Variants in CBLB observed in about 807,000 individuals in gnomAD.
The protein encoded by CBLB is Cbl proto-oncogene B.
A neutral mutation model predicts 104.9 loss-of-function variants in CBLB; 31 were observed. The ratio of observed to expected loss-of-function variants is 0.30; its 90% confidence interval spans 0.22 to 0.40. CBLB has a LOEUF of 0.40. Ranked by LOEUF, CBLB falls within the 10% of genes least tolerant of loss-of-function variation. The pLI is 1.00. For synonymous variants in CBLB, 440 were observed against 422.6 expected (o/e 1.04, Z -0.51); for missense variants, 1,062 against 1,214.6 (o/e 0.87, Z 1.87).
At chr3:105,722,074 C>T (rs568740591) in intron 9 of CBLB, among the ~76,000 whole-genome samples, 2 of 151,694 alleles carry the variant, frequency 1.3e-5, no homozygotes, top group South Asian at 4.2e-4. Context: ...GTGATACACA[C>T]CTGAAGTCCC....
At chr3:105,687,610 A>G (rs1253735387) in intron 13 of CBLB, among the ~76,000 whole-genome samples, 2 of 152,072 alleles carry the variant, frequency 1.3e-5, no homozygotes, top group African/African-American at 4.8e-5. Context: ...TAAATATGAA[A>G]AAAATACTTA....
At chr3:105,767,833 A>G (rs2078395742) in intron 4 of CBLB, among the ~76,000 whole-genome samples, 1 of 152,194 alleles carries the variant, frequency 6.6e-6, no homozygotes. Context: ...AGATGCATAG[A>G]AAAACCAACT....
In CBLB at chr3:105,763,810, T is replaced by C. The variant is rs2077929270; in HGVS notation, c.567-12192A>G. 2.0e-5 allele frequency among the ~76,000 whole-genome samples: 3 copies of C among 152,234 alleles called. No individual in the cohort carries two copies. In the South Asian group the frequency reaches 6.2e-4, roughly 32 times the overall value. On this transcript the variant is annotated intron_variant, in intron 4 of 18. Transcript: ENST00000394030. ...TGGCCTATCACAGTTTCATGTATAG[T>C]GGCAGAAGATACTGGGTTTCTGTCA...
chr3:105,820,822 A>G (rs1428570397), intron 3 of CBLB, among the ~76,000 whole-genome samples: 1 of 152,072 alleles, frequency 6.6e-6, no homozygotes, highest in Non-Finnish European at 1.5e-5. Flanking sequence ...CTGAATATTC[A>G]TTTTGCTTAA....
intron 3 of CBLB, among the ~76,000 whole-genome samples, chr3:105,817,179 G>C (rs1047732944): frequency 6.6e-6 from 1 of 152,158 alleles, no homozygotes; most frequent in Non-Finnish European, 1.5e-5. Context: ...TGCAAGAAAA[G>C]CAAATGCCCA....
chr3:105,782,643 T>A (rs908075808), intron 3 of CBLB, among the ~76,000 whole-genome samples: 7 of 151,226 alleles, frequency 4.6e-5, no homozygotes, highest in African/African-American at 1.7e-4. Flanking sequence ...TGGAATGCAG[T>A]GGCCCTATTC....
chr3:105,868,033 C>G, intron 1 of CBLB: 1 of 488,404 alleles, frequency 2.0e-6, no homozygotes, highest in Non-Finnish European at 3.5e-6. Context: ...AGAAACTTCA[C>G]TTTCACTCTG....
intron 9 of CBLB, among the ~76,000 whole-genome samples, chr3:105,732,870 C>T (rs149407938): frequency 9.9e-5 from 15 of 152,142 alleles, no homozygotes; most frequent in East Asian, 7.7e-4. Flanking sequence ...TATGCTTCAC[C>T]GAAAATCTTT....
At chr3:105,739,185 C>T (rs2075277336) in intron 7 of CBLB, among the ~76,000 whole-genome samples, 2 of 152,230 alleles carry the variant, frequency 1.3e-5, no homozygotes, top group South Asian at 4.1e-4. Context: ...GCTGGGATTA[C>T]AGGCGTAAGC....
At position 105,868,941 on chromosome 3, in the gene CBLB, C is replaced by G; in HGVS notation, c.-220G>C. The G allele has an allele frequency of 7.8e-6, 8 of 1,027,234 alleles. No individual in the cohort carries two copies. The highest frequency in any genetic ancestry group is 8.2e-6 in the Non-Finnish European group (7 of 856,964). 63.6% of individuals were successfully genotyped at this position (1,027,234 alleles called of 1,614,324 possible). On this transcript the variant is annotated 5_prime_UTR_variant, in exon 1 of 19. Coordinates refer to ENST00000394030, the MANE Select transcript of CBLB (RefSeq NM_170662.5). Reference sequence around the variant, plus strand: ...AAGACAAATCCACACCCGCTCTCCCCTCCCGCCCGACTCGGGGAGGCCGCG... The same window carrying G: ...AAGACAAATCCACACCCGCTCTCCCGTCCCGCCCGACTCGGGGAGGCCGCG...
At position 105,730,264 on chromosome 3, in the gene CBLB, T is replaced by C. The variant is rs369571962; in HGVS notation, c.1203+3745A>G. Among the ~76,000 whole-genome samples, 14 of 152,030 alleles carry C rather than the reference T, an allele frequency of 9.2e-5. No homozygotes were observed. In the South Asian group the frequency reaches 2.9e-3, roughly 32 times the overall value. On this transcript the variant is annotated intron_variant, in intron 9 of 18. Coordinates refer to ENST00000394030, the MANE Select transcript of CBLB (RefSeq NM_170662.5). ...GGTGGAAAAAAATCACAATGTAAAA[T>C]GTTAAGGAAATCACACAATAGCTAG...
At chr3:105,837,013 C>T (rs745603894) in intron 3 of CBLB, among the ~76,000 whole-genome samples, 3 of 151,666 alleles carry the variant, frequency 2.0e-5, no homozygotes, top group African/African-American at 4.8e-5. Context: ...AGATCCAACC[C>T]TCCGACCTTT....
intron 3 of CBLB, among the ~76,000 whole-genome samples, chr3:105,833,117 T>C (rs558972003): frequency 6.6e-6 from 1 of 152,216 alleles, no homozygotes; most frequent in South Asian, 2.1e-4. Flanking sequence ...GAAATGAATC[T>C]AGAAAGGTAG....
chr3:105,835,026 T>C (rs898660695), intron 3 of CBLB, among the ~76,000 whole-genome samples: 1 of 152,222 alleles, frequency 6.6e-6, no homozygotes, highest in African/African-American at 2.4e-5. Flanking sequence ...GCCTTTCACA[T>C]ATCACTTATT....
chr3:105,682,361 A>T (rs1296777170), intron 14 of CBLB, among the ~76,000 whole-genome samples: 1 of 152,216 alleles, frequency 6.6e-6, no homozygotes, highest in Non-Finnish European at 1.5e-5. Flanking sequence ...AGCCTGTGGT[A>T]CTATTTCACC....
At chr3:105,853,976 T>C (rs965796274) in intron 2 of CBLB, among the ~76,000 whole-genome samples, 2 of 150,194 alleles carry the variant, frequency 1.3e-5, no homozygotes, top group African/African-American at 5.0e-5. Flanking sequence ...ACTGATAGTC[T>C]TTTTTTTTAA....
chr3:105,722,089 G>A (rs1442199784), intron 9 of CBLB, among the ~76,000 whole-genome samples: 2 of 151,290 alleles, frequency 1.3e-5, no homozygotes, highest in East Asian at 1.9e-4. Flanking sequence ...AGTCCCAGCT[G>A]GTCGTGAGGC....
At chr3:105,713,975 T>C (rs2071480529) in intron 10 of CBLB, among the ~76,000 whole-genome samples, 2 of 152,342 alleles carry the variant, frequency 1.3e-5, no homozygotes, top group South Asian at 4.1e-4. Flanking sequence ...CATATATTAC[T>C]GAATACCCTC....
At chr3:105,763,409 C>T (rs150060385) in intron 4 of CBLB, among the ~76,000 whole-genome samples, 12 of 152,256 alleles carry the variant, frequency 7.9e-5, no homozygotes, top group Non-Finnish European at 1.6e-4. Flanking sequence ...TGTTAGCTCC[C>T]ATAATTCCCA....
Sources: allele counts gnomAD v4.1 joint callset (sites outside exome capture counted in the v4.1 genomes callset), GRCh38; gene constraint gnomAD v4.1.1; transcripts MANE v1.5; gene names NCBI Gene and HGNC (gene_info 2026-07-23, HGNC 2026-07-21).